Variants in STRAP observed in about 807,000 individuals in gnomAD.
STRAP encodes serine-threonine kinase receptor-associated protein.
In STRAP, 16 loss-of-function variants were observed where a neutral mutation model predicts 47.0. That is an observed-to-expected ratio of 0.34 (90% CI 0.23 to 0.52). STRAP has a LOEUF of 0.52. STRAP is among the 20% of genes least tolerant of loss of function. The pLI is 0.96. For missense variants in STRAP, 293 were observed against 420.0 expected (o/e 0.70, Z 2.64); for synonymous variants, 130 against 142.7 (o/e 0.91, Z 0.63).
At chr12:15,899,190 C>T (rs1318257328) in intron 7 of STRAP, among the ~76,000 whole-genome samples, 1 of 152,164 alleles carries the variant, frequency 6.6e-6, no homozygotes, top group Non-Finnish European at 1.5e-5. Context: ...TCTTTGTACT[C>T]TTACAACTTT....
intron 1 of STRAP, chr12:15,883,128 A>G (rs1320924403): frequency 4.6e-6 from 7 of 1,535,582 alleles, no homozygotes; most frequent in Admixed American, 2.0e-5. Context: ...CACGGTAAAT[A>G]GCTTTCAAGG....
Position 15,895,445 on chromosome 12 carries a change from A to G in STRAP, c.587A>G (p.Glu196Gly), listed in dbSNP as rs771760502. The part of the protein sequence containing the change: ...VSSMEYIPEG[E>G]ILVITYGRSI... ...AGTATGGAATATATTCCTGAGGGAGAGATTTTGGTTATAACTTATGGACGA... is the reference window on the plus strand; with the variant it reads ...AGTATGGAATATATTCCTGAGGGAGGGATTTTGGTTATAACTTATGGACGA... Residue 196 changes from glutamate to glycine, a missense_variant, in exon 6 of 10, where the codon GAG becomes GGG. By Grantham distance (98) the Glu-to-Gly change is moderately conservative. Around this residue, in one of 5 missense-constraint regions of STRAP, gnomAD observed 152 missense variants for 183.0 expected, o/e 0.83. Transcript: ENST00000419869. 2 of 1,606,528 alleles carry G rather than the reference A, an allele frequency of 1.2e-6. No individual in the cohort carries two copies. The highest frequency in any genetic ancestry group is 3.4e-5 in the Admixed American group (2 of 58,418).
In STRAP at chr12:15,882,672, C is replaced by A; in HGVS notation, c.-36C>A. The A allele has an allele frequency of 6.4e-7, 1 of 1,565,236 alleles. No individual in the cohort carries two copies. Among genetic ancestry groups the A allele is most frequent in the South Asian group, 1.1e-5 (1 of 88,294 alleles). ...AGAGAGAAAAGACAACGACGACCCT[C>A]AGCTCGCCAGTCCGGTCGCTGGCTT... On this transcript the variant is annotated 5_prime_UTR_variant, in exon 1 of 10. Coordinates refer to ENST00000419869, the MANE Select transcript of STRAP (RefSeq NM_007178.4).
At position 15,897,955 on chromosome 12, in the gene STRAP, C is replaced by G. The variant is rs1264249566; in HGVS notation, c.712C>G (p.Leu238Val). The G allele has an allele frequency of 1.9e-6, 3 of 1,602,896 alleles. No individual in the cohort carries two copies. The highest frequency in any genetic ancestry group is 3.5e-5 in the Admixed American group (2 of 57,912). Residue 238 changes from leucine to valine, a missense_variant, in exon 7 of 10, where the codon CTT becomes GTT. Leu to Val is a conservative substitution (Grantham distance 32). Coordinates refer to ENST00000419869, the MANE Select transcript of STRAP (RefSeq NM_007178.4). ...SASLHPEKEF[L>V]VAGGEDFKLY... ...ATCTCTTCATCCTGAGAAAGAATTT[C>G]TTGTTGCAGGCGGTGAAGATTTTAA...
chr12:15,883,032 C>T (rs565749666), intron 1 of STRAP: 23 of 1,528,674 alleles, frequency 1.5e-5, no homozygotes, highest in East Asian at 1.5e-4. Context: ...GAAACTATTA[C>T]CTCCAACTAA....
rs1169144909 is a variant in STRAP at position 15,890,865 on chromosome 12, G to C, written c.403+196G>C. On this transcript the variant is annotated intron_variant, in intron 4 of 9. Coordinates refer to ENST00000419869, the MANE Select transcript of STRAP (RefSeq NM_007178.4). This position sits in a 1 kb window ranked among gnomAD's most constrained non-coding sequence, Gnocchi z 4.5. ...ACTTGAGGTCAGGAGTTCGAGACCA[G>C]CCTGGCCAACATGGCAAAACCCCGT... is the stretch of plus-strand genomic sequence containing the variant. 1.3e-5 allele frequency among the ~76,000 whole-genome samples: 2 copies of C among 152,100 alleles called. No individual in the cohort carries two copies. Among genetic ancestry groups the C allele is most frequent in the East Asian group, 3.9e-4 (2 of 5,184 alleles).
Position 15,882,490 on chromosome 12 carries a change from T to A in STRAP, c.-218T>A. Reference sequence around the variant, plus strand: ...ACTTTCCTCCCTCCCTCCCTTTCCCTCCCTCGTCGACTGTTGCTTGCTGGT... The same window carrying A: ...ACTTTCCTCCCTCCCTCCCTTTCCCACCCTCGTCGACTGTTGCTTGCTGGT... On this transcript the variant is annotated 5_prime_UTR_variant, in exon 1 of 10. Coordinates refer to ENST00000419869, the MANE Select transcript of STRAP (RefSeq NM_007178.4). 2.3e-4 allele frequency: 78 copies of A among 346,562 alleles called. No individual in the cohort carries two copies. The highest frequency in any genetic ancestry group is 6.5e-4 in the Middle Eastern group (1 of 1,540). The allele number at this position is 346,562 out of a possible 1,614,324, so 21.5% of individuals were successfully genotyped here.
intron 2 of STRAP, 61 bp downstream of exon 2, chr12:15,883,737 A>C: frequency 6.3e-7 from 1 of 1,585,732 alleles, no homozygotes. Context: ...TGAAATAATC[A>C]AAAACTTCAG....
rs945937518 is a variant in STRAP, at chr12:15,882,888, T to A, written c.112+69T>A. ...CTGAAAGGGATCGGGACCCGCACGC[T>A]CCAGTGCCGAAGCGGTGGTGTGGTG... On this transcript the variant is annotated intron_variant, in intron 1 of 9. Transcript: ENST00000419869. 10 of 1,502,866 alleles carry A rather than the reference T, an allele frequency of 6.7e-6. No individual in the cohort carries two copies. In the African/African-American group the frequency reaches 1.4e-4, roughly 21 times the overall value. 93.1% of individuals were successfully genotyped at this position (1,502,866 alleles called of 1,614,324 possible). A position where few individuals can be genotyped will look rare whatever the true frequency, so the allele number is the denominator to read the frequency against.
At chr12:15,900,804 A>C in intron 8 of STRAP, 143 bp from the exon 9 acceptor site, 1 of 532,918 alleles carries the variant, frequency 1.9e-6, no homozygotes. Flanking sequence ...TTAGAATCAC[A>C]GTTATTTAAA....
chr12:15,895,145 A>C (rs1948049496), intron 5 of STRAP, among the ~76,000 whole-genome samples: 1 of 152,216 alleles, frequency 6.6e-6, no homozygotes, highest in South Asian at 2.1e-4. Flanking sequence ...GTAGGTATTA[A>C]AGTTGATTTT....
chr12:15,898,497 A>G (rs1163729824), intron 7 of STRAP, among the ~76,000 whole-genome samples: 1 of 152,188 alleles, frequency 6.6e-6, no homozygotes, highest in African/African-American at 2.4e-5. Context: ...AGCATATTAC[A>G]GGGATACCTT....
intron 4 of STRAP, among the ~76,000 whole-genome samples, chr12:15,891,268 AT>A (rs1217684600): frequency 6.6e-6 from 1 of 152,180 alleles, no homozygotes; most frequent in African/African-American, 2.4e-5. Context: ...CAGTGTTACT[AT>A]TTTTTGGTAA....
Position 15,882,592 on chromosome 12 carries a change from G to C in STRAP, c.-116G>C. On this transcript the variant is annotated 5_prime_UTR_variant, in exon 1 of 10. Transcript: ENST00000419869. ...ATTGCCCTTCTTTTCCTGTTGCCCA[G>C]CCCAGCCCTAGTGTCAGGGCGGGGG... The C allele has an allele frequency of 1.2e-6, 1 of 845,560 alleles. No homozygotes were observed. Among genetic ancestry groups the C allele is most frequent in the Non-Finnish European group, 1.9e-6 (1 of 536,334 alleles). 52.4% of individuals were successfully genotyped at this position (845,560 alleles called of 1,614,324 possible).
At chr12:15,900,078 A>C in intron 8 of STRAP, 25 bp downstream of exon 8, 2 of 1,582,924 alleles carry the variant, frequency 1.3e-6, no homozygotes, top group Non-Finnish European at 1.7e-6. Context: ...TCAGAATAAT[A>C]AAATTTTTAA....
At chr12:15,899,437 A>G (rs1182083267) in intron 7 of STRAP, among the ~76,000 whole-genome samples, 5 of 151,826 alleles carry the variant, frequency 3.3e-5, no homozygotes, top group African/African-American at 1.2e-4. Context: ...GTGACAGAAT[A>G]ATTAGTGGAC....
In STRAP at chr12:15,882,885, C is replaced by T. The variant is rs914278141; in HGVS notation, c.112+66C>T. 11 of 1,508,310 alleles carry T rather than the reference C, an allele frequency of 7.3e-6. No homozygotes were observed. The African/African-American group carries it at 1.4e-4, about 19-fold the overall frequency. 93.4% of individuals were successfully genotyped at this position (1,508,310 alleles called of 1,614,324 possible). A position where few individuals can be genotyped will look rare whatever the true frequency, so the allele number is the denominator to read the frequency against. Reference sequence around the variant, plus strand: ...GGGCTGAAAGGGATCGGGACCCGCACGCTCCAGTGCCGAAGCGGTGGTGTG... The same window carrying T: ...GGGCTGAAAGGGATCGGGACCCGCATGCTCCAGTGCCGAAGCGGTGGTGTG... On this transcript the variant is annotated intron_variant, in intron 1 of 9. Coordinates refer to ENST00000419869, the MANE Select transcript of STRAP (RefSeq NM_007178.4).
Position 15,890,933 on chromosome 12 carries a change from G to T in STRAP, c.403+264G>T, listed in dbSNP as rs140125582. On this transcript the variant is annotated intron_variant, in intron 4 of 9. Coordinates refer to ENST00000419869, the MANE Select transcript of STRAP (RefSeq NM_007178.4). This position sits in a 1 kb window ranked among gnomAD's most constrained non-coding sequence, Gnocchi z 4.5. Reference sequence around the variant, plus strand: ...AAATTAGCCAGGCATGGTGGCAGGCGCTTGTAATCCCAGCTACTTGGGAGG... The same window carrying T: ...AAATTAGCCAGGCATGGTGGCAGGCTCTTGTAATCCCAGCTACTTGGGAGG... 1.3e-5 allele frequency among the ~76,000 whole-genome samples: 2 copies of T among 151,932 alleles called. No individual in the cohort carries two copies. The highest frequency in any genetic ancestry group is 1.5e-5 in the Non-Finnish European group (1 of 67,986).
At chr12:15,892,631 A>G (rs987024429) in intron 4 of STRAP, among the ~76,000 whole-genome samples, 1 of 152,230 alleles carries the variant, frequency 6.6e-6, no homozygotes, top group Non-Finnish European at 1.5e-5. Flanking sequence ...AAAATATTTT[A>G]CATTTTAATG....
Sources: gnomAD v4.1 joint callset for allele counts (sites outside exome capture counted in the v4.1 genomes callset) on GRCh38, gnomAD v4.1.1 for gene constraint, gnomAD v4.1.1 regional missense constraint, Gnocchi (gnomAD v3.1) non-coding constraint, MANE v1.5 for transcripts, NCBI Gene and HGNC (gene_info 2026-07-23, HGNC 2026-07-21) for gene names.